Variants in IFT140 observed in about 807,000 individuals in gnomAD.
IFT140 encodes intraflagellar transport 140.
In IFT140, 133 loss-of-function variants were observed where a neutral mutation model predicts 164.6. That is an observed-to-expected ratio of 0.81 (90% CI 0.70 to 0.93). The LOEUF (loss-of-function observed/expected upper bound fraction) is 0.93, where lower values mean the gene tolerates loss of function less well. Ranked by LOEUF, IFT140 falls within the 40% of genes least tolerant of loss-of-function variation. The pLI is 0.00. For missense variants in IFT140, 2,045 were observed against 1,972.3 expected (o/e 1.04, Z -0.70); for synonymous variants, 860 against 817.3 (o/e 1.05, Z -0.89).
chr16:1,544,890 C>T (rs987101751), intron 19 of IFT140, among the ~76,000 whole-genome samples: 51 of 152,106 alleles, frequency 3.4e-4, no homozygotes, highest in Admixed American at 5.9e-4. Flanking sequence ...CCTTGTGATC[C>T]GCCCGCCTCG....
chr16:1,514,281 A>G (rs2040279569), intron 30 of IFT140: 1 of 152,058 alleles, frequency 6.6e-6, no homozygotes. Flanking sequence ...GCAGCAGGAG[A>G]ATGGCATGAA....
intron 19 of IFT140, chr16:1,534,377 G>A (rs1027501499): frequency 6.2e-6 from 10 of 1,612,740 alleles, no homozygotes; most frequent in African/African-American, 2.7e-5. Context: ...TGTGCCAGAC[G>A]CTGGAGGATG....
At chr16:1,539,206 C>A (rs117107594) in intron 19 of IFT140, among the ~76,000 whole-genome samples, 1 of 151,522 alleles carries the variant, frequency 6.6e-6, no homozygotes, top group African/African-American at 2.4e-5. Context: ...CCAAGCCACA[C>A]GGTGCCAACG....
intron 4 of IFT140, among the ~76,000 whole-genome samples, chr16:1,595,059 G>T (rs529550276): frequency 6.6e-6 from 1 of 152,306 alleles, no homozygotes; most frequent in South Asian, 2.1e-4. Flanking sequence ...GCCGAGGCGG[G>T]CGGATCACAA....
At chr16:1,541,462 C>A (rs973891091) in intron 19 of IFT140, 23 of 985,310 alleles carry the variant, frequency 2.3e-5, no homozygotes, top group Non-Finnish European at 2.7e-5. Context: ...GGACAGCACG[C>A]CTGAGGAGCT....
At position 1,519,953 on chromosome 16, in the gene IFT140, AG is replaced by A; in HGVS notation, c.3967del (p.Leu1323TrpfsTer17). On this transcript the variant is annotated frameshift_variant, in exon 29 of 31. Coordinates refer to ENST00000426508, the MANE Select transcript of IFT140 (RefSeq NM_014714.4). LOFTEE classifies it high-confidence loss of function. ...CLAKAKAKSP[L>X]DQETRLAQLQ... ...CTGCGCCAGCCTGGTCTCCTGGTCC[AG>A]GGGGCTCTTGGCCTTGGCCTTGGCC... The A allele has an allele frequency of 2.5e-6, 4 of 1,606,618 alleles. No homozygotes were observed. Among genetic ancestry groups the A allele is most frequent in the South Asian group, 1.1e-5 (1 of 90,138 alleles).
intron 19 of IFT140, chr16:1,527,075 T>G: frequency 2.2e-6 from 1 of 460,740 alleles, no homozygotes; most frequent in Non-Finnish European, 3.8e-6. Context: ...TCCTCCTCCT[T>G]TTTCCCTGCT....
chr16:1,571,835 A>G (rs1265179414), intron 13 of IFT140, among the ~76,000 whole-genome samples: 2 of 152,240 alleles, frequency 1.3e-5, no homozygotes, highest in Middle Eastern at 3.4e-3. Context: ...AAACAAATAC[A>G]TATGTAATCT....
rs147404534 is a variant in IFT140 at position 1,538,396 on chromosome 16, C to G, written c.2400-11600G>C. On this transcript the variant is annotated intron_variant, in intron 19 of 30. Transcript: ENST00000426508. ...TCTGCTTATTCCCAGCTCCCAGGAA[C>G]CTTGGTCACTCACCCTCACCACAAC... Among the ~76,000 whole-genome samples, 391 of 152,318 alleles carry G rather than the reference C, an allele frequency of 2.6e-3. 1 individual carries two copies. Among genetic ancestry groups the G allele is most frequent in the Middle Eastern group, 0.014 (4 of 294 alleles).
chr16:1,561,603 A>G (rs2033412666), intron 18 of IFT140, among the ~76,000 whole-genome samples: 1 of 152,246 alleles, frequency 6.6e-6, no homozygotes, highest in Admixed American at 6.5e-5. Flanking sequence ...ATAGAAATGC[A>G]TAATTTTAAG....
chr16:1,510,655 T>C lies in IFT140; in HGVS notation c.*289A>G. The C allele has an allele frequency of 3.9e-6, 2 of 511,014 alleles. No homozygotes were observed. Among genetic ancestry groups the C allele is most frequent in the South Asian group, 2.2e-5 (1 of 45,134 alleles). 31.7% of individuals were successfully genotyped at this position (511,014 alleles called of 1,614,324 possible). A position where few individuals can be genotyped will look rare whatever the true frequency, so the allele number is the denominator to read the frequency against. On this transcript the variant is annotated 3_prime_UTR_variant, in exon 31 of 31. Coordinates refer to ENST00000426508, the MANE Select transcript of IFT140 (RefSeq NM_014714.4). ...TCTAGAAGTTTCTCAGGCTTTACAA[T>C]GTGTAGTTGGGAGAATACGATGGAA... is the stretch of plus-strand genomic sequence containing the variant.
chr16:1,549,981 C>T (rs1596346290), intron 19 of IFT140, among the ~76,000 whole-genome samples: 1 of 151,980 alleles, frequency 6.6e-6, no homozygotes, highest in East Asian at 1.9e-4. Flanking sequence ...TCTTTTTCTT[C>T]TTCTCTTTTT....
At chr16:1,598,072 T>C (rs2035551544) in intron 4 of IFT140, among the ~76,000 whole-genome samples, 1 of 152,046 alleles carries the variant, frequency 6.6e-6, no homozygotes, top group Non-Finnish European at 1.5e-5. Context: ...CCAATGTCAT[T>C]AGGTGGGAAT....
chr16:1,567,912 G>A (rs973759678), intron 15 of IFT140, among the ~76,000 whole-genome samples: 1 of 152,208 alleles, frequency 6.6e-6, no homozygotes, highest in Admixed American at 6.5e-5. Context: ...GGGATGAAGA[G>A]GAAGCGAGCA....
At chr16:1,594,156 T>G (rs974251650) in intron 4 of IFT140, among the ~76,000 whole-genome samples, 2 of 152,206 alleles carry the variant, frequency 1.3e-5, no homozygotes, top group African/African-American at 2.4e-5. Context: ...CCCCATTACC[T>G]GGGTTTGGTG....
At chr16:1,609,624 T>C in intron 2 of IFT140, among the ~76,000 whole-genome samples, 1 of 152,250 alleles carries the variant, frequency 6.6e-6, no homozygotes, top group East Asian at 1.9e-4. Flanking sequence ...AGATTCTTCC[T>C]GTTGTATCAA....
At chr16:1,526,936 C>T (rs376168982) in intron 19 of IFT140, 140 bp from the exon 20 acceptor site, 9 of 920,716 alleles carry the variant, frequency 9.8e-6, no homozygotes, top group Admixed American at 2.9e-5. Flanking sequence ...CCATCGGCTC[C>T]GCCCCTGGGC....
At chr16:1,546,633 G>T (rs1030121688) in intron 19 of IFT140, among the ~76,000 whole-genome samples, 1 of 152,218 alleles carries the variant, frequency 6.6e-6, no homozygotes, top group Non-Finnish European at 1.5e-5. Flanking sequence ...CCCCACCTAG[G>T]CCTGTCTCCC....
chr16:1,563,725 A>C (rs2033553720), intron 17 of IFT140, among the ~76,000 whole-genome samples: 1 of 152,172 alleles, frequency 6.6e-6, no homozygotes, highest in African/African-American at 2.4e-5. Flanking sequence ...GCTCTACTCC[A>C]CGTGAACGAA....
Sources: allele counts gnomAD v4.1 joint callset (sites outside exome capture counted in the v4.1 genomes callset), GRCh38; gene constraint gnomAD v4.1.1; transcripts MANE v1.5; gene names NCBI Gene and HGNC (gene_info 2026-07-23, HGNC 2026-07-21).